Variants in NAV2 observed in about 807,000 individuals in gnomAD.
NAV2 encodes the protein neuron navigator 2.
A neutral mutation model predicts 223.2 loss-of-function variants in NAV2; 54 were observed. The observed-to-expected ratio is 0.24, with a 90% CI of 0.19 to 0.30. The LOEUF is 0.30. Among genes scored for constraint, NAV2 ranks in the 10% least tolerant of loss-of-function variants. The pLI is 1.00. For synonymous variants in NAV2, 1,279 were observed against 1,239.3 expected (o/e 1.03, Z -0.67); for missense variants, 2,806 against 3,147.5 (o/e 0.89, Z 2.60).
At chr11:19,404,268 T>G (rs898566269) in intron 1 of NAV2, among the ~76,000 whole-genome samples, 7 of 152,324 alleles carry the variant, frequency 4.6e-5, no homozygotes, top group Admixed American at 1.3e-4. Flanking sequence ...GTTGAGAGTT[T>G]CTTGGAGTTC....
At position 19,620,998 on chromosome 11, in the gene NAV2, T is replaced by C. The variant is rs556436143; in HGVS notation, c.76-211486T>C. ...GTTGTTGAATTTTGTTGAAGGCCTT[T>C]TCTGCATCTATTGAGATAATCATGT... On this transcript the variant is annotated intron_variant, in intron 1 of 37. Coordinates refer to the NAV2 transcript ENST00000360655. Among the ~76,000 whole-genome samples, 13 of 152,344 alleles carry C rather than the reference T, an allele frequency of 8.5e-5. No individual in the cohort carries two copies. The East Asian group carries it at 2.5e-3, about 29-fold the overall frequency.
At chr11:20,009,220 A>T (rs2053357460) in intron 11 of NAV2, among the ~76,000 whole-genome samples, 1 of 152,196 alleles carries the variant, frequency 6.6e-6, no homozygotes, top group African/African-American at 2.4e-5. Context: ...CAAGCAAGGT[A>T]CTTTTCCCCC....
intron 1 of NAV2, among the ~76,000 whole-genome samples, chr11:19,525,149 T>C (rs2043804461): frequency 6.6e-6 from 1 of 152,102 alleles, no homozygotes; most frequent in South Asian, 2.1e-4. Flanking sequence ...AGAACTGGAG[T>C]TCATTAGAGC....
intron 2 of NAV2, among the ~76,000 whole-genome samples, chr11:19,839,292 A>C (rs1389364262): frequency 6.6e-6 from 1 of 152,182 alleles, no homozygotes; most frequent in Non-Finnish European, 1.5e-5. Flanking sequence ...GCTGTCACAC[A>C]GGGAGGATGC....
intron 1 of NAV2, among the ~76,000 whole-genome samples, chr11:19,508,869 C>A (rs577911269): frequency 6.6e-6 from 1 of 152,222 alleles, no homozygotes; most frequent in East Asian, 1.9e-4. Flanking sequence ...AAAGCTTATG[C>A]TTTGCAAGGT....
intron 1 of NAV2, among the ~76,000 whole-genome samples, chr11:19,705,010 CAAAA>C (rs1244386651): frequency 2.1e-5 from 1 of 47,532 alleles, no homozygotes; most frequent in Non-Finnish European, 4.6e-5. Flanking sequence ...GACTCCGTCT[CAAAA>C]AAAAAAAAAA....
In NAV2 at chr11:19,535,689, G is replaced by A. The variant is rs541503408; in HGVS notation, c.75+184662G>A. Among the ~76,000 whole-genome samples the A allele has an allele frequency of 3.3e-5, 5 of 152,256 alleles. No homozygotes were observed. The South Asian group carries it at 6.2e-4, about 19-fold the overall frequency. ...TTGATCACAGGGTCTCATCATTCCT[G>A]AGCTGAACTCCATTCCCTGTTGGCC... On this transcript the variant is annotated intron_variant, in intron 1 of 37. Coordinates refer to the NAV2 transcript ENST00000360655.
chr11:19,606,886 A>G (rs2046487016), intron 1 of NAV2, among the ~76,000 whole-genome samples: 1 of 152,224 alleles, frequency 6.6e-6, no homozygotes, highest in Non-Finnish European at 1.5e-5. Flanking sequence ...TTAGAAATGC[A>G]GAGGCTCAGG....
intron 6 of NAV2, among the ~76,000 whole-genome samples, chr11:19,902,757 G>GT (rs1272760484): frequency 2.6e-5 from 4 of 152,188 alleles, no homozygotes; most frequent in African/African-American, 9.7e-5. Context: ...CTCATCTGTA[G>GT]TCAGGACTTA....
At chr11:19,400,789 A>G (rs1156504730) in intron 1 of NAV2, among the ~76,000 whole-genome samples, 1 of 152,226 alleles carries the variant, frequency 6.6e-6, no homozygotes, top group Non-Finnish European at 1.5e-5. Context: ...TATAATCATT[A>G]TCATCATCTT....
intron 1 of NAV2, among the ~76,000 whole-genome samples, chr11:19,361,497 T>C (rs1198573920): frequency 1.3e-5 from 2 of 151,986 alleles, no homozygotes; most frequent in Non-Finnish European, 2.9e-5. Context: ...TAGGTTGCTT[T>C]TGGGGATGGG....
intron 6 of NAV2, among the ~76,000 whole-genome samples, chr11:19,897,864 A>G (rs956692436): frequency 6.7e-6 from 1 of 148,292 alleles, no homozygotes; most frequent in Admixed American, 6.7e-5. Flanking sequence ...GCAATGAGCC[A>G]CAGCTGTGCC....
intron 1 of NAV2, among the ~76,000 whole-genome samples, chr11:19,353,309 C>T (rs1371183379): frequency 6.6e-6 from 1 of 152,176 alleles, no homozygotes; most frequent in African/African-American, 2.4e-5. Flanking sequence ...AGAGGAAAAG[C>T]CACTTCTCAT....
In NAV2 at chr11:19,405,431, A is replaced by T. The variant is rs528135262; in HGVS notation, c.75+54404A>T. Among the ~76,000 whole-genome samples the T allele has an allele frequency of 3.3e-5, 5 of 152,222 alleles. No homozygotes were observed. The East Asian group carries it at 9.6e-4, about 29-fold the overall frequency. ...TAAATGATCCCTTCCTTTCTGTAGC[A>T]GTTGCTTCTGTTCTCCACTGAGTTC... is the stretch of plus-strand genomic sequence containing the variant. On this transcript the variant is annotated intron_variant, in intron 1 of 37. Transcript: ENST00000360655.
intron 1 of NAV2, among the ~76,000 whole-genome samples, chr11:19,409,815 T>A (rs1250889527): frequency 6.6e-6 from 1 of 152,178 alleles, no homozygotes; most frequent in Non-Finnish European, 1.5e-5. Flanking sequence ...ACGAATCTTC[T>A]GTTGTAGAGC....
intron 1 of NAV2, among the ~76,000 whole-genome samples, chr11:19,377,290 A>G (rs1165649201): frequency 2.0e-5 from 3 of 152,196 alleles, no homozygotes; most frequent in Non-Finnish European, 4.4e-5. Flanking sequence ...ACACCTGAGT[A>G]CTTGCTATGG....
At chr11:19,432,498 A>G (rs1851071880) in intron 1 of NAV2, among the ~76,000 whole-genome samples, 1 of 152,216 alleles carries the variant, frequency 6.6e-6, no homozygotes, top group Admixed American at 6.5e-5. Flanking sequence ...TATGTTGGGA[A>G]AAAAACCACA....
chr11:19,632,636 A>G (rs1375124198), intron 1 of NAV2, among the ~76,000 whole-genome samples: 1 of 152,196 alleles, frequency 6.6e-6, no homozygotes, highest in African/African-American at 2.4e-5. Flanking sequence ...GCAGGGAAAG[A>G]TGTGTCTCCT....
intron 3 of NAV2, among the ~76,000 whole-genome samples, chr11:19,860,233 A>C: frequency 1.4e-5 from 2 of 145,528 alleles, no homozygotes; most frequent in East Asian, 4.2e-4. Flanking sequence ...CACTTCCCAG[A>C]CGGGGTGGCT....
Sources: allele counts gnomAD v4.1 joint callset (sites outside exome capture counted in the v4.1 genomes callset), GRCh38; gene constraint gnomAD v4.1.1; transcripts MANE v1.5; gene names NCBI Gene and HGNC (gene_info 2026-07-23, HGNC 2026-07-21).